FBRSL1: variants seen among roughly 807,000 people sequenced by gnomAD.
FBRSL1 encodes the protein fibrosin like 1.
Under a neutral mutation model 89.6 loss-of-function variants are expected in FBRSL1, and 51 were observed. The observed-to-expected ratio is 0.57, with a 90% CI of 0.45 to 0.72. The LOEUF (loss-of-function observed/expected upper bound fraction) is 0.72. Among genes scored for constraint, FBRSL1 ranks in the 30% least tolerant of loss-of-function variants. The pLI is 0.00. For synonymous variants in FBRSL1, 779 were observed against 681.1 expected (o/e 1.14, Z -2.24); for missense variants, 1,618 against 1,451.8 (o/e 1.11, Z -1.86).
intron 2 of FBRSL1, chr12:132,511,044 C>T (rs187351070): frequency 1.5e-5 from 15 of 986,072 alleles, no homozygotes; most frequent in Middle Eastern, 1.0e-3. Flanking sequence ...GGCCCAGTGG[C>T]GAATGGTGAA....
intron 4 of FBRSL1, among the ~76,000 whole-genome samples, chr12:132,531,218 C>G (rs1404126379): frequency 6.7e-6 from 1 of 149,520 alleles, no homozygotes; most frequent in Non-Finnish European, 1.5e-5. Flanking sequence ...GACCCAGGAG[C>G]AGGACAGGAC....
intron 2 of FBRSL1, among the ~76,000 whole-genome samples, chr12:132,512,882 G>A (rs1343957603): frequency 6.6e-6 from 1 of 152,216 alleles, no homozygotes; most frequent in Non-Finnish European, 1.5e-5. Context: ...GACCCAGAGG[G>A]GCTCTCGAGG....
At chr12:132,582,409 TTCCCCGTTCCCCCTCCCCCATTCCCTC>T in intron 18 of FBRSL1, 143 bp downstream of exon 18, 1 of 533,318 alleles carries the variant, frequency 1.9e-6, no homozygotes, top group East Asian at 3.1e-5. Flanking sequence ...CCTGTTCCCC[TTCCCCGTTCCCCCTCCCCCATTCCCTC>T]TCACCCTCCT....
At chr12:132,560,630 G>C (rs1192014698) in intron 5 of FBRSL1, among the ~76,000 whole-genome samples, 2 of 152,162 alleles carry the variant, frequency 1.3e-5, no homozygotes, top group Non-Finnish European at 2.9e-5. Flanking sequence ...CGCGTGTCTG[G>C]CCGAGGCTGC....
intron 4 of FBRSL1, among the ~76,000 whole-genome samples, chr12:132,544,641 G>A (rs903037662): frequency 6.6e-6 from 1 of 152,128 alleles, no homozygotes; most frequent in African/African-American, 2.4e-5. Flanking sequence ...GTTGAGGATG[G>A]TGACGTGAGG....
chr12:132,519,680 G>A (rs1214556266), intron 2 of FBRSL1, among the ~76,000 whole-genome samples: 1 of 152,222 alleles, frequency 6.6e-6, no homozygotes, highest in African/African-American at 2.4e-5. Context: ...GGAGGCCAAG[G>A]CAAATGGATC....
Position 132,583,306 on chromosome 12 carries a change from G to C in FBRSL1, c.2537G>C (p.Gly846Ala). 2.5e-6 allele frequency: 3 copies of C among 1,195,508 alleles called. No individual in the cohort carries two copies. Among genetic ancestry groups the C allele is most frequent in the African/African-American group, 1.6e-5 (1 of 60,992 alleles). The allele number at this position is 1,195,508 out of a possible 1,614,324, so 74.1% of individuals were successfully genotyped here. ...LQLGLGRERL[G>A]APGFAWEPFR... ...CTCGGCCTGGGCCGCGAGCGCCTGG[G>C]CGCGCCGGGCTTCGCGTGGGAGCCT... The change falls in exon 19 of 19, where the codon GGC becomes GCC. Residue 846 changes from glycine (G) to alanine (A), a missense_variant. Physicochemically the swap from Gly to Ala is moderately conservative, Grantham distance 60. Transcript: ENST00000680143.
At chr12:132,572,499 C>G (rs3829336) in intron 10 of FBRSL1, 28 bp from the exon 11 acceptor site, 1 of 1,529,882 alleles carries the variant, frequency 6.5e-7, no homozygotes, top group Non-Finnish European at 8.9e-7. Flanking sequence ...CTTGGGCCCC[C>G]CCTCCATCCG....
chr12:132,509,906 C>T (rs939040617), intron 2 of FBRSL1: 2 of 1,231,414 alleles, frequency 1.6e-6, no homozygotes, highest in Non-Finnish European at 2.0e-6. Flanking sequence ...GCTGCTGCCC[C>T]CGGCGGGCCT....
intron 9 of FBRSL1, 57 bp downstream of exon 9, chr12:132,571,288 C>G: frequency 6.6e-7 from 1 of 1,511,458 alleles, no homozygotes; most frequent in Non-Finnish European, 8.9e-7. Context: ...CTCTGTCTCT[C>G]TCTCTTTTTC....
At chr12:132,530,996 G>GGA (rs2036223968) in intron 4 of FBRSL1, among the ~76,000 whole-genome samples, 2 of 102,158 alleles carry the variant, frequency 2.0e-5, no homozygotes, top group African/African-American at 7.5e-5. Context: ...GTCCAGTGTG[G>GGA]GGGGGGGGGT....
rs956332201 is a variant in FBRSL1 at position 132,584,318 on chromosome 12, T to C, written c.*540T>C. 6.6e-6 allele frequency: 1 copy of C among 152,266 alleles called. No individual in the cohort carries two copies. The highest frequency in any genetic ancestry group is 1.9e-4 in the East Asian group (1 of 5,200). The allele number at this position is 152,266 out of a possible 1,614,324, so 9.4% of individuals were successfully genotyped here. A position where few individuals can be genotyped will look rare whatever the true frequency, so the allele number is the denominator to read the frequency against. On this transcript the variant is annotated 3_prime_UTR_variant, in exon 19 of 19. Transcript: ENST00000680143. Reference sequence around the variant, plus strand: ...AAAACTTTGTTTTTTTGCCTTATTATGCAGAAGTGTAATTTCTTTTTTGGT... The same window carrying C: ...AAAACTTTGTTTTTTTGCCTTATTACGCAGAAGTGTAATTTCTTTTTTGGT...
chr12:132,492,495 G>C (rs912334964), intron 1 of FBRSL1, among the ~76,000 whole-genome samples: 7 of 152,206 alleles, frequency 4.6e-5, no homozygotes, highest in African/African-American at 1.7e-4. Context: ...GTCTGGTGCC[G>C]GGAAGAGCTC....
chr12:132,507,111 C>T (rs965050429), intron 1 of FBRSL1: 26 of 774,676 alleles, frequency 3.4e-5, no homozygotes, highest in Non-Finnish European at 3.9e-5. Flanking sequence ...GACACCATGG[C>T]TCTATGCGGG....
chr12:132,513,661 G>A (rs2034571847), intron 2 of FBRSL1, among the ~76,000 whole-genome samples: 2 of 152,334 alleles, frequency 1.3e-5, no homozygotes, highest in East Asian at 1.9e-4. Flanking sequence ...GGGAGAGGCC[G>A]AGGCGTGTTC....
chr12:132,510,010 A>C (rs972533851), intron 2 of FBRSL1: 2 of 1,231,240 alleles, frequency 1.6e-6, no homozygotes, highest in African/African-American at 1.6e-5. Flanking sequence ...AGGCAGCCCC[A>C]GCGGTTAGTG....
intron 5 of FBRSL1, chr12:132,553,939 T>G (rs2038405487): frequency 6.6e-6 from 1 of 152,310 alleles, no homozygotes; most frequent in Non-Finnish European, 1.5e-5. Context: ...AGGCCCCACT[T>G]GGCTGTACCT....
At chr12:132,524,307 G>T (rs964867589) in intron 2 of FBRSL1, among the ~76,000 whole-genome samples, 1 of 152,234 alleles carries the variant, frequency 6.6e-6, no homozygotes, top group African/African-American at 2.4e-5. Flanking sequence ...TCCCTGCCCG[G>T]CCAGGGCCTC....
At position 132,510,764 on chromosome 12, in the gene FBRSL1, G is replaced by C. The variant is rs2034242204; in HGVS notation, c.489+2414G>C. Reference sequence around the variant, plus strand: ...TCACAGTGCCCCCACCCGCGTTGCTGCCTGTGGTGTGCGTGCCCTGGGAGG... The same window carrying C: ...TCACAGTGCCCCCACCCGCGTTGCTCCCTGTGGTGTGCGTGCCCTGGGAGG... On this transcript the variant is annotated intron_variant, in intron 2 of 18. Coordinates refer to ENST00000680143, the MANE Select transcript of FBRSL1 (RefSeq NM_001367871.1). The C allele has an allele frequency of 5.1e-6, 6 of 1,174,700 alleles. No individual in the cohort carries two copies. The East Asian group carries it at 1.9e-4, about 38-fold the overall frequency. The allele number at this position is 1,174,700 out of a possible 1,614,324, so 72.8% of individuals were successfully genotyped here.
Sources: allele counts gnomAD v4.1 joint callset (sites outside exome capture counted in the v4.1 genomes callset), GRCh38; gene constraint gnomAD v4.1.1; transcripts MANE v1.5; gene names NCBI Gene and HGNC (gene_info 2026-07-23, HGNC 2026-07-21).